JMJD1C: variants seen among roughly 807,000 people sequenced by gnomAD.
JMJD1C encodes jumonji domain containing 1C.
In JMJD1C, 31 loss-of-function variants were observed where a neutral mutation model predicts 245.3. That is an observed-to-expected ratio of 0.13 (90% CI 0.09 to 0.17). JMJD1C has a LOEUF of 0.17. Among genes scored for constraint, JMJD1C ranks in the 10% least tolerant of loss-of-function variants. The probability of loss-of-function intolerance (pLI) is 1.00; values close to 1 mark genes in which losing one functional copy is unlikely to be tolerated. For missense variants in JMJD1C, 2,691 were observed against 3,000.2 expected (o/e 0.90, Z 2.41); for synonymous variants, 1,057 against 1,017.4 (o/e 1.04, Z -0.74).
intron 1 of JMJD1C, among the ~76,000 whole-genome samples, chr10:63,521,093 A>G (rs1308390276): frequency 7.3e-6 from 1 of 136,540 alleles, no homozygotes; most frequent in Non-Finnish European, 1.6e-5. Context: ...ACCCTTCCTC[A>G]GCCTCCTGCC....
intron 1 of JMJD1C, among the ~76,000 whole-genome samples, chr10:63,516,253 G>A (rs767665540): frequency 5.0e-4 from 74 of 148,598 alleles, no homozygotes; most frequent in Admixed American, 2.1e-3. Flanking sequence ...AAAAAAACCT[G>A]GGAACAGAGA....
intron 21 of JMJD1C, among the ~76,000 whole-genome samples, chr10:63,183,845 CAT>C (rs2132888370): frequency 6.6e-6 from 1 of 152,176 alleles, no homozygotes; most frequent in East Asian, 1.9e-4. Flanking sequence ...TAATTCCTAA[CAT>C]GTTGCTTCAT....
intron 2 of JMJD1C, among the ~76,000 whole-genome samples, chr10:63,324,210 G>A (rs951600965): frequency 1.2e-4 from 18 of 151,282 alleles, no homozygotes; most frequent in Admixed American, 4.0e-4. Context: ...GGTATCCTGT[G>A]GCCCAGTCAT....
At chr10:63,400,025 T>TGG (rs909929978) in intron 1 of JMJD1C, among the ~76,000 whole-genome samples, 1 of 152,134 alleles carries the variant, frequency 6.6e-6, no homozygotes, top group Non-Finnish European at 1.5e-5. Flanking sequence ...TACTCACTGT[T>TGG]CTGTATCTTA....
intron 2 of JMJD1C, among the ~76,000 whole-genome samples, chr10:63,328,853 T>C (rs147663905): frequency 2.0e-5 from 3 of 152,364 alleles, no homozygotes; most frequent in South Asian, 2.1e-4. Context: ...TTCTAGTTAC[T>C]TTTATTAGTA....
intron 1 of JMJD1C, chr10:63,521,515 C>T (rs774165038): frequency 1.8e-5 from 26 of 1,405,548 alleles, no homozygotes; most frequent in Non-Finnish European, 2.4e-5. Flanking sequence ...CGCCCACCCG[C>T]CCCGGACGTG....
intron 1 of JMJD1C, among the ~76,000 whole-genome samples, chr10:63,447,580 C>A (rs577750335): frequency 6.6e-6 from 1 of 152,232 alleles, no homozygotes; most frequent in African/African-American, 2.4e-5. Flanking sequence ...TAACATGAAT[C>A]ATAATATTCC....
Position 63,177,804 on chromosome 10 carries a change from T to C in JMJD1C, c.7137A>G (p.Arg2379=), listed in dbSNP as rs1484991293. 3.1e-6 allele frequency: 5 copies of C among 1,613,854 alleles called. No homozygotes were observed. Among genetic ancestry groups the C allele is most frequent in the Non-Finnish European group, 4.2e-6 (5 of 1,179,782 alleles). ...CAGGTATTTCACTTGAGTCCTTCAA[T>C]CTTTTCCTTAAAATGTCATCCAAAT... ...EEDLDDILRK[R]LKDSSEIPGA... Residue 2379 remains arginine (R), a synonymous_variant, in exon 23 of 26, where the codon AGA becomes AGG. Coordinates refer to ENST00000399262, the MANE Select transcript of JMJD1C (RefSeq NM_032776.3).
chr10:63,339,881 T>C (rs1271506879), intron 2 of JMJD1C, among the ~76,000 whole-genome samples: 1 of 152,176 alleles, frequency 6.6e-6, no homozygotes, highest in African/African-American at 2.4e-5. Flanking sequence ...CCTTGACAAC[T>C]GTTCTAATTA....
intron 9 of JMJD1C, 126 bp downstream of exon 9, chr10:63,208,937 G>A: frequency 9.2e-7 from 1 of 1,082,830 alleles, no homozygotes; most frequent in Non-Finnish European, 1.3e-6. Context: ...TAAATTTGAA[G>A]AAATATCAAA....
At chr10:63,261,641 C>A (rs1854775010) in intron 3 of JMJD1C, among the ~76,000 whole-genome samples, 1 of 152,154 alleles carries the variant, frequency 6.6e-6, no homozygotes, top group African/African-American at 2.4e-5. Flanking sequence ...TCAATACATT[C>A]AAATCATTCA....
chr10:63,503,863 T>C (rs902454739), intron 1 of JMJD1C, among the ~76,000 whole-genome samples: 2 of 152,216 alleles, frequency 1.3e-5, no homozygotes, highest in Non-Finnish European at 2.9e-5. Flanking sequence ...AGTATGATCA[T>C]TGAGTCTCCA....
chr10:63,207,489 T>A lies in JMJD1C; in HGVS notation c.4180A>T (p.Thr1394Ser), dbSNP rs139881253. Residue 1394 changes from threonine (T) to serine (S), a missense_variant, in exon 10 of 26, where the codon ACC (threonine) becomes TCC (serine). Transcript: ENST00000399262. ...GCAGATGTGATTACATCCGTTTTGG[T>A]ATTACACATCGTATTTACAGCAGAC... ...VMSAVNTMCN[T>S]KTDVITSAAD... The A allele has an allele frequency of 7.4e-4, 1,191 of 1,614,206 alleles. 7 individuals carry two copies. The Middle Eastern group carries it at 0.02, about 28-fold the overall frequency.
At chr10:63,286,188 G>C (rs944369341) in intron 2 of JMJD1C, among the ~76,000 whole-genome samples, 10 of 152,166 alleles carry the variant, frequency 6.6e-5, no homozygotes, top group African/African-American at 2.4e-4. Flanking sequence ...AGAATCTGAC[G>C]AAAGCTGTAG....
At chr10:63,520,505 CA>C (rs34697427) in intron 1 of JMJD1C, among the ~76,000 whole-genome samples, 19,314 of 111,282 alleles carry the variant, frequency 0.17, 1,638 homozygotes, top group East Asian at 0.37. Context: ...GGTACTGTCA[CA>C]AAAAAAAAAA....
At chr10:63,277,768 T>C (rs1589367772) in intron 2 of JMJD1C, among the ~76,000 whole-genome samples, 1 of 120,348 alleles carries the variant, frequency 8.3e-6, no homozygotes, top group African/African-American at 3.2e-5. Flanking sequence ...GACAGAGTCT[T>C]GCTCTGTCTC....
chr10:63,512,685 C>A (rs1376437239), intron 1 of JMJD1C, among the ~76,000 whole-genome samples: 1 of 152,114 alleles, frequency 6.6e-6, no homozygotes, highest in Non-Finnish European at 1.5e-5. Flanking sequence ...TTGGCACTTA[C>A]CATCTTTGGT....
intron 1 of JMJD1C, among the ~76,000 whole-genome samples, chr10:63,479,844 T>A (rs922630431): frequency 1.3e-5 from 2 of 152,148 alleles, no homozygotes; most frequent in Non-Finnish European, 2.9e-5. Flanking sequence ...ATAGCAGAAC[T>A]TCTTAAATTT....
At chr10:63,205,060 AACT>A in intron 10 of JMJD1C, 1 of 979,342 alleles carries the variant, frequency 1.0e-6, no homozygotes, top group Non-Finnish European at 1.2e-6. Context: ...AACTGAGAAA[AACT>A]ACTACTAGAG....
Sources: gnomAD v4.1 joint callset for allele counts (sites outside exome capture counted in the v4.1 genomes callset) on GRCh38, gnomAD v4.1.1 for gene constraint, MANE v1.5 for transcripts, NCBI Gene and HGNC (gene_info 2026-07-23, HGNC 2026-07-21) for gene names.